DYSF: variants seen among roughly 807,000 people sequenced by gnomAD.
DYSF encodes the protein dystrophy-associated fer-1-like 1.
Under a neutral mutation model 274.9 loss-of-function variants are expected in DYSF, and 212 were observed. That is an observed-to-expected ratio of 0.77 (90% CI 0.69 to 0.86). The LOEUF is 0.86. DYSF is among the 40% of genes least tolerant of loss of function. The probability of loss-of-function intolerance (pLI) is 0.00; values close to 1 mark genes in which losing one functional copy is unlikely to be tolerated. For synonymous variants in DYSF, 1,091 were observed against 1,078.7 expected, an observed-to-expected ratio of 1.01 and a Z score of -0.22; for missense variants, 2,666 against 2,783.2, an observed-to-expected ratio of 0.96 and a Z score of 0.95.
At chr2:71,521,009 T>A in intron 12 of DYSF, 105 bp downstream of exon 12, 1 of 844,716 alleles carries the variant, frequency 1.2e-6, no homozygotes, top group Non-Finnish European at 1.9e-6. Flanking sequence ...TGATTTAAAC[T>A]AATATGTGGT....
In DYSF at chr2:71,566,079, A is replaced by G. The variant is rs146779379; in HGVS notation, c.2565+1866A>G. On this transcript the variant is annotated intron_variant, in intron 24 of 55. Transcript: ENST00000410020. ...TGGGGCATGTTTCCCATTAGATTCTAACCTCCTGTGCTTGTCAGAGCCTAA... is the reference window on the plus strand; with the variant it reads ...TGGGGCATGTTTCCCATTAGATTCTGACCTCCTGTGCTTGTCAGAGCCTAA... Among the ~76,000 whole-genome samples, 723 of 152,198 alleles carry G rather than the reference A, an allele frequency of 4.8e-3. 7 individuals carry two copies. Among genetic ancestry groups the G allele is most frequent in the African/African-American group, 0.016 (673 of 41,530 alleles).
intron 32 of DYSF, among the ~76,000 whole-genome samples, chr2:71,592,656 G>A (rs533383883): frequency 1.3e-5 from 2 of 152,350 alleles, no homozygotes; most frequent in South Asian, 2.1e-4. Context: ...TCTGTCACTG[G>A]TGCAGCTTCC....
In DYSF at chr2:71,669,173, A is replaced by G; in HGVS notation, c.5608A>G (p.Thr1870Ala). ...TGTGATCCTGGATGACCTGAGCCTCACGGGGGAGAAGATGAGCGACATTTA... is the reference window on the plus strand; with the variant it reads ...TGTGATCCTGGATGACCTGAGCCTCGCGGGGGAGAAGATGAGCGACATTTA... Reference protein sequence around the residue: ...RDVILDDLSLTGEKMSDIYVK... With the variant: ...RDVILDDLSLAGEKMSDIYVK... The change falls in exon 50 of 56, where the codon ACG becomes GCG. Residue 1870 changes from threonine to alanine, a missense_variant. By Grantham distance (58) the Thr-to-Ala change is moderately conservative. Around this residue, in one of 3 missense-constraint regions of DYSF, gnomAD observed 1,460 missense variants for 1,502.1 expected, o/e 0.97. Coordinates refer to ENST00000410020, the MANE Select transcript of DYSF (RefSeq NM_001130987.2). 1 of 1,610,616 alleles carries G rather than the reference A, an allele frequency of 6.2e-7. No individual in the cohort carries two copies. Among genetic ancestry groups the G allele is most frequent in the Non-Finnish European group, 8.5e-7 (1 of 1,178,604 alleles).
At chr2:71,565,246 CTTT>C (rs796705736) in intron 24 of DYSF, among the ~76,000 whole-genome samples, 2 of 131,338 alleles carry the variant, frequency 1.5e-5, no homozygotes, top group African/African-American at 2.9e-5. Flanking sequence ...CCACCCAGCT[CTTT>C]TTTTTTTTTT....
chr2:71,561,537 G>T (rs1489230346), intron 22 of DYSF, among the ~76,000 whole-genome samples: 1 of 152,214 alleles, frequency 6.6e-6, no homozygotes, highest in Non-Finnish European at 1.5e-5. Context: ...ATCAGGAGGC[G>T]CGTAGGCTGA....
chr2:71,661,949 GAGCTC>G (rs1558759322), intron 45 of DYSF, among the ~76,000 whole-genome samples: 9 of 152,206 alleles, frequency 5.9e-5, no homozygotes, highest in African/African-American at 1.7e-4. Context: ...AGGGGCTGGC[GAGCTC>G]CAGGGGCTGG....
At chr2:71,539,468 AT>A (rs1192968288) in intron 17 of DYSF, among the ~76,000 whole-genome samples, 1 of 152,210 alleles carries the variant, frequency 6.6e-6, no homozygotes, top group Non-Finnish European at 1.5e-5. Context: ...CACAAAGAGG[AT>A]AATTCACTCC....
At chr2:71,617,852 T>A (rs1353109863) in intron 40 of DYSF, among the ~76,000 whole-genome samples, 1 of 35,074 alleles carries the variant, frequency 2.9e-5, no homozygotes, top group Non-Finnish European at 6.0e-5. Flanking sequence ...GTGGTAGAGA[T>A]GGGGTGTGTG....
chr2:71,661,090 C>T lies in DYSF; in HGVS notation c.5003+439C>T, dbSNP rs2094871200. ...TGTGATCAAACTACTGCACTCCAGC[C>T]TGGGTGACAGAGCAAAACCCTGTCT... On this transcript the variant is annotated intron_variant, in intron 45 of 55. Transcript: ENST00000410020. Among the ~76,000 whole-genome samples, 3 of 141,672 alleles carry T rather than the reference C, an allele frequency of 2.1e-5. No individual in the cohort carries two copies. In the Admixed American group the frequency reaches 2.2e-4, roughly 10 times the overall value. The allele number at this position is 141,672 out of a possible 152,430, so 92.9% of individuals were successfully genotyped here. A position where few individuals can be genotyped will look rare whatever the true frequency, so the allele number is the denominator to read the frequency against.
chr2:71,578,026 C>T (rs532761506), intron 30 of DYSF, among the ~76,000 whole-genome samples: 84 of 152,258 alleles, frequency 5.5e-4, no homozygotes, highest in Non-Finnish European at 9.3e-4. Context: ...TTACCTCACT[C>T]GTGCAAGTAA....
chr2:71,503,933 C>T (rs1048644166), intron 4 of DYSF, among the ~76,000 whole-genome samples: 1 of 152,226 alleles, frequency 6.6e-6, no homozygotes, highest in African/African-American at 2.4e-5. Context: ...AATTCCTGAC[C>T]TCTCCTGTGG....
At chr2:71,634,026 A>G (rs2094355746) in intron 41 of DYSF, among the ~76,000 whole-genome samples, 1 of 152,192 alleles carries the variant, frequency 6.6e-6, no homozygotes, top group Admixed American at 6.5e-5. Flanking sequence ...TCAAGCCTGG[A>G]GAAATAGATC....
chr2:71,510,171 T>C (rs1306227314), intron 4 of DYSF, among the ~76,000 whole-genome samples: 2 of 152,236 alleles, frequency 1.3e-5, no homozygotes, highest in Non-Finnish European at 2.9e-5. Context: ...TTCCCTGCCC[T>C]AGCCCTGGAA....
chr2:71,598,540 C>G, intron 32 of DYSF, 24 bp from the exon 33 acceptor site: 1 of 1,613,956 alleles, frequency 6.2e-7, no homozygotes, highest in Non-Finnish European at 8.5e-7. Context: ...TCCTGTCTCC[C>G]CTCCCCCTCT....
At chr2:71,590,804 G>C (rs535129407) in intron 32 of DYSF, among the ~76,000 whole-genome samples, 1 of 152,138 alleles carries the variant, frequency 6.6e-6, no homozygotes, top group Non-Finnish European at 1.5e-5. Flanking sequence ...CTGTTACCCA[G>C]GCTGGAAATT....
chr2:71,458,649 C>T (rs940183011), intron 1 of DYSF, among the ~76,000 whole-genome samples: 2 of 152,230 alleles, frequency 1.3e-5, no homozygotes, highest in Non-Finnish European at 1.5e-5. Context: ...CCAGGCCAAA[C>T]TCACTTTCTT....
intron 3 of DYSF, among the ~76,000 whole-genome samples, chr2:71,498,861 T>A (rs1332210546): frequency 1.3e-5 from 2 of 152,240 alleles, no homozygotes; most frequent in Non-Finnish European, 2.9e-5. Context: ...AAAGCCGGTT[T>A]CATTAATAGG....
chr2:71,668,031 A>T (rs544673125), intron 48 of DYSF, among the ~76,000 whole-genome samples: 1 of 151,656 alleles, frequency 6.6e-6, no homozygotes, highest in South Asian at 2.1e-4. Context: ...CAGCCTTGGG[A>T]TGGTGACAGG....
intron 3 of DYSF, among the ~76,000 whole-genome samples, chr2:71,495,596 G>A (rs1355854516): frequency 2.0e-5 from 3 of 152,114 alleles, no homozygotes; most frequent in Admixed American, 2.0e-4. Context: ...TTCCTTTGGG[G>A]CATTTGGGAG....
Sources: allele counts gnomAD v4.1 joint callset (sites outside exome capture counted in the v4.1 genomes callset), GRCh38; gene constraint gnomAD v4.1.1; regional missense constraint gnomAD v4.1.1; transcripts MANE v1.5; gene names NCBI Gene and HGNC (gene_info 2026-07-23, HGNC 2026-07-21).